FAT4: variants seen among roughly 807,000 people sequenced by gnomAD.
The protein encoded by FAT4 is FAT atypical cadherin 4, also known as protocadherin Fat 4.
Under a neutral mutation model 303.9 loss-of-function variants are expected in FAT4, and 84 were observed. The observed-to-expected ratio is 0.28, with a 90% CI of 0.23 to 0.33. The LOEUF (loss-of-function observed/expected upper bound fraction) is 0.33. Among genes scored for constraint, FAT4 ranks in the 10% least tolerant of loss-of-function variants. The pLI is 1.00. For synonymous variants in FAT4, 2,307 were observed against 2,298.8 expected, an observed-to-expected ratio of 1.00 and a Z score of -0.10; for missense variants, 6,005 against 6,146.8, an observed-to-expected ratio of 0.98 and a Z score of 0.77.
chr4:125,459,148 A>G (rs189823775), intron 10 of FAT4, among the ~76,000 whole-genome samples: 7 of 152,138 alleles, frequency 4.6e-5, no homozygotes, highest in Admixed American at 2.6e-4. Flanking sequence ...GTAGTCTAAT[A>G]TGTATATATA....
chr4:125,329,943 C>G (rs762742445), intron 2 of FAT4, among the ~76,000 whole-genome samples: 4 of 152,174 alleles, frequency 2.6e-5, no homozygotes, highest in Non-Finnish European at 5.9e-5. Context: ...TCAATATGAT[C>G]ATTTCATGAT....
intron 2 of FAT4, among the ~76,000 whole-genome samples, chr4:125,388,487 A>G (rs560909711): frequency 1.3e-5 from 2 of 152,310 alleles, no homozygotes; most frequent in African/African-American, 4.8e-5. Flanking sequence ...CCACATTCAG[A>G]TTAACATCTA....
intron 2 of FAT4, among the ~76,000 whole-genome samples, chr4:125,335,881 T>A (rs1275875167): frequency 5.3e-5 from 8 of 152,084 alleles, no homozygotes; most frequent in Admixed American, 2.0e-4. Context: ...AATCCCTTAA[T>A]AAGTGTTGTG....
At chr4:125,332,534 G>C (rs532709462) in intron 2 of FAT4, among the ~76,000 whole-genome samples, 1 of 152,134 alleles carries the variant, frequency 6.6e-6, no homozygotes, top group East Asian at 1.9e-4. Context: ...GATTTAATTT[G>C]ATTTGATTTC....
chr4:125,339,954 TAGAC>T (rs1233866313), intron 2 of FAT4, among the ~76,000 whole-genome samples: 3 of 152,048 alleles, frequency 2.0e-5, no homozygotes, highest in Admixed American at 6.5e-5. Context: ...GTATATGAGA[TAGAC>T]AGTTTAAAAA....
intron 5 of FAT4, among the ~76,000 whole-genome samples, chr4:125,413,470 C>T (rs370210871): frequency 6.6e-6 from 1 of 151,786 alleles, no homozygotes; most frequent in Non-Finnish European, 1.5e-5. Flanking sequence ...ACGCTTTCAA[C>T]GATTTACTCA....
chr4:125,479,897 T>C, intron 15 of FAT4, 32 bp downstream of exon 15: 1 of 1,477,780 alleles, frequency 6.8e-7, no homozygotes, highest in Non-Finnish European at 9.1e-7. Context: ...CCCCTGGAAA[T>C]TTTAATAACT....
At chr4:125,430,097 A>G (rs1430309032) in intron 7 of FAT4, among the ~76,000 whole-genome samples, 2 of 151,862 alleles carry the variant, frequency 1.3e-5, no homozygotes, top group African/African-American at 4.8e-5. Context: ...CCAACATGGC[A>G]CATGTATACA....
intron 17 of FAT4, among the ~76,000 whole-genome samples, chr4:125,489,283 C>A (rs1727519590): frequency 6.6e-6 from 1 of 152,194 alleles, no homozygotes; most frequent in South Asian, 2.1e-4. Context: ...CTTTATCATT[C>A]CCCTAAGGAG....
intron 9 of FAT4, among the ~76,000 whole-genome samples, chr4:125,447,972 G>T (rs1381239587): frequency 6.6e-6 from 1 of 152,012 alleles, no homozygotes; most frequent in African/African-American, 2.4e-5. Flanking sequence ...GTGGGGACAA[G>T]GAATAAATGG....
chr4:125,486,145 T>TTTC (rs1460880768), intron 16 of FAT4, among the ~76,000 whole-genome samples: 1 of 149,128 alleles, frequency 6.7e-6, no homozygotes, highest in East Asian at 2.0e-4. Flanking sequence ...GGCTTTTCCT[T>TTTC]TTTTTTTTTT....
At chr4:125,458,587 G>A (rs534372410) in intron 10 of FAT4, among the ~76,000 whole-genome samples, 2 of 151,984 alleles carry the variant, frequency 1.3e-5, no homozygotes, top group East Asian at 3.9e-4. Context: ...GCAGAATTAG[G>A]CAGTTTACAT....
intron 14 of FAT4, among the ~76,000 whole-genome samples, chr4:125,478,118 G>T (rs1001584886): frequency 2.0e-5 from 3 of 152,038 alleles, no homozygotes; most frequent in Non-Finnish European, 4.4e-5. Flanking sequence ...AAAAATCTTT[G>T]CTCACATTAT....
intron 11 of FAT4, 114 bp downstream of exon 11, chr4:125,463,781 G>A (rs765875615): frequency 5.6e-6 from 3 of 540,226 alleles, no homozygotes; most frequent in South Asian, 3.5e-5. Flanking sequence ...TACATGGAAG[G>A]TTTTATTAAA....
At chr4:125,429,961 C>T (rs1396687) in intron 7 of FAT4, among the ~76,000 whole-genome samples, 150,778 of 152,188 alleles carry the variant, frequency 0.99, 74,705 homozygotes, top group East Asian at 1. Context: ...TCCGGAGAAC[C>T]TCTCCACACA....
At position 125,319,392 on chromosome 4, in the gene FAT4, C is replaced by T. The variant is rs780164491; in HGVS notation, c.2981C>T (p.Pro994Leu). 22 of 1,613,142 alleles carry T rather than the reference C, an allele frequency of 1.4e-5. No homozygotes were observed. The South Asian group carries it at 2.1e-4, about 15-fold the overall frequency. Reference sequence around the variant, plus strand: ...GTCCATGATGTAAATGACAATTCACCAGTGTTTGACCAACTCTCTTATGAA... The same window carrying T: ...GTCCATGATGTAAATGACAATTCACTAGTGTTTGACCAACTCTCTTATGAA... ...VYVHDVNDNS[P>L]VFDQLSYEVT... The change falls in exon 2 of 18, where the codon CCA becomes CTA. Residue 994 changes from proline to leucine, a missense_variant. Pro to Leu is a moderately conservative substitution (Grantham distance 98). Transcript: ENST00000394329.
rs759333846 is a variant in FAT4, at chr4:125,318,835, G to T, written c.2424G>T (p.Leu808=). ...YSFVVFENVA[L]GYHVGSVSAS... is the part of the protein sequence containing the mutation. ...TTGTGGTTTTTGAGAACGTGGCGCT[G>T]GGATATCATGTGGGTAGTGTGTCTG... The change falls in exon 2 of 18, where the codon CTG becomes CTT. Residue 808 remains leucine, a synonymous_variant. Transcript: ENST00000394329. 2.5e-6 allele frequency: 4 copies of T among 1,613,988 alleles called. No individual in the cohort carries two copies. In the Admixed American group the frequency reaches 6.7e-5, roughly 27 times the overall value.
intron 7 of FAT4, among the ~76,000 whole-genome samples, chr4:125,419,556 A>G (rs940163283): frequency 2.6e-5 from 4 of 152,212 alleles, no homozygotes; most frequent in African/African-American, 9.7e-5. Context: ...ATTTAAAACT[A>G]TAAATTAGAT....
chr4:125,431,391 CATT>C (rs1438870870), intron 7 of FAT4, among the ~76,000 whole-genome samples: 1 of 152,038 alleles, frequency 6.6e-6, no homozygotes, highest in African/African-American at 2.4e-5. Context: ...ACAAGTGAAT[CATT>C]GAGATGAATT....
Sources: gnomAD v4.1 joint callset for allele counts (sites outside exome capture counted in the v4.1 genomes callset) on GRCh38, gnomAD v4.1.1 for gene constraint, MANE v1.5 for transcripts, NCBI Gene and HGNC (gene_info 2026-07-23, HGNC 2026-07-21) for gene names.